The following ENPP3 variants were observed in gnomAD, a reference collection of about 807,000 sequenced individuals.
The protein encoded by ENPP3 is ectonucleotide pyrophosphatase/phosphodiesterase 3, also known as ectonucleotide pyrophosphatase/phosphodiesterase family member 3.
ENPP3 carries 104 observed loss-of-function variants against 117.8 expected under a neutral mutation model. The observed-to-expected ratio is 0.88, with a 90% CI of 0.75 to 1.04. The LOEUF (loss-of-function observed/expected upper bound fraction) is 1.04. ENPP3 is among the 50% of genes least tolerant of loss of function. ENPP3 has a pLI of 0.00. For missense variants in ENPP3, 1,026 were observed against 1,051.9 expected (o/e 0.98, Z 0.34); for synonymous variants, 380 against 349.9 (o/e 1.09, Z -0.96).
At chr6:131,733,553 G>A (rs1184908652) in intron 20 of ENPP3, 35 bp from the exon 21 acceptor site, 4 of 1,596,622 alleles carry the variant, frequency 2.5e-6, no homozygotes, top group African/African-American at 2.7e-5. Flanking sequence ...AGCCGCAATT[G>A]TGGGCGTAAT....
At chr6:131,729,945 A>G (rs761238985) in intron 20 of ENPP3, among the ~76,000 whole-genome samples, 13 of 152,144 alleles carry the variant, frequency 8.5e-5, no homozygotes, top group South Asian at 2.1e-4. Flanking sequence ...CTTTGAGAAC[A>G]TGGTAAATAT....
At chr6:131,649,353 C>T (rs1331753115) in intron 2 of ENPP3, among the ~76,000 whole-genome samples, 1 of 152,128 alleles carries the variant, frequency 6.6e-6, no homozygotes, top group Non-Finnish European at 1.5e-5. Flanking sequence ...CAACTTTCCT[C>T]GCTCTAGTCC....
At chr6:131,738,272 A>C in intron 23 of ENPP3, 109 bp downstream of exon 23, 1 of 863,570 alleles carries the variant, frequency 1.2e-6, no homozygotes, top group Non-Finnish European at 1.8e-6. Context: ...TCACAGACAA[A>C]TGTTATTGTT....
intron 15 of ENPP3, among the ~76,000 whole-genome samples, chr6:131,695,870 C>T (rs190166960): frequency 5.9e-5 from 9 of 152,044 alleles, no homozygotes; most frequent in South Asian, 2.1e-4. Context: ...GAGCCAAGAT[C>T]GCACCACTGC....
At chr6:131,689,520 C>A (rs1779231766) in intron 14 of ENPP3, among the ~76,000 whole-genome samples, 1 of 152,122 alleles carries the variant, frequency 6.6e-6, no homozygotes, top group Non-Finnish European at 1.5e-5. Flanking sequence ...ACTGTTGAGA[C>A]TTTCTGCTCA....
intron 23 of ENPP3, among the ~76,000 whole-genome samples, chr6:131,738,932 G>A (rs1400730835): frequency 1.3e-5 from 2 of 152,050 alleles, no homozygotes; most frequent in East Asian, 3.8e-4. Context: ...TTATTTCAGT[G>A]TTGAATGAAT....
intron 24 of ENPP3, 42 bp downstream of exon 24, chr6:131,740,422 T>G: frequency 7.1e-7 from 1 of 1,408,792 alleles, no homozygotes; most frequent in South Asian, 1.7e-5. Flanking sequence ...AGAAAATGAG[T>G]CAGAGCTCAT....
At chr6:131,725,196 A>T (rs2114539249) in intron 19 of ENPP3, among the ~76,000 whole-genome samples, 1 of 152,310 alleles carries the variant, frequency 6.6e-6, no homozygotes, top group East Asian at 1.9e-4. Flanking sequence ...ACTCCACTCC[A>T]GCTTGGGTGA....
rs921516548 is a variant in ENPP3 at position 131,720,297 on chromosome 6, C to A, written c.1485C>A (p.Ile495=). 1.3e-6 allele frequency: 2 copies of A among 1,582,946 alleles called. No homozygotes were observed. The highest frequency in any genetic ancestry group is 1.7e-6 in the Non-Finnish European group (2 of 1,159,424). Residue 495 remains isoleucine, a synonymous_variant, in exon 17 of 25, where the codon ATC becomes ATA. Coordinates refer to ENST00000357639, the MANE Select transcript of ENPP3 (RefSeq NM_005021.5). The part of the protein sequence containing the change: ...YNNEFRSMEA[I]FLAHGPSFKE... ...ATCTGACTATTATGACCTAGGCTAT[C>A]TTTCTGGCACATGGACCCAGTTTTA...
intron 6 of ENPP3, among the ~76,000 whole-genome samples, chr6:131,662,151 C>T (rs530730666): frequency 1.5e-3 from 230 of 152,238 alleles, no homozygotes; most frequent in Middle Eastern, 3.4e-3. Flanking sequence ...GTTGGAGCAA[C>T]TATTATTTCC....
chr6:131,653,816 G>A (rs1778316870), intron 5 of ENPP3, among the ~76,000 whole-genome samples: 1 of 152,126 alleles, frequency 6.6e-6, no homozygotes, highest in African/African-American at 2.4e-5. Context: ...CTTGAAGGGT[G>A]AATGAGGAGA....
chr6:131,671,339 AC>A lies in ENPP3; in HGVS notation c.642+15del. The A allele has an allele frequency of 6.5e-7, 1 of 1,541,790 alleles. No homozygotes were observed. The highest frequency in any genetic ancestry group is 2.2e-5 in the East Asian group (1 of 44,530). On this transcript the variant is annotated intron_variant, in intron 7 of 24. Coordinates refer to ENST00000357639, the MANE Select transcript of ENPP3 (RefSeq NM_005021.5). ...ACACCATTGTCACGGTAAGTGCTTGACCCAGTGGTAAGACAGGCCAAAGACC... is the reference window on the plus strand; with the variant it reads ...ACACCATTGTCACGGTAAGTGCTTGACCAGTGGTAAGACAGGCCAAAGACC...
intron 3 of ENPP3, among the ~76,000 whole-genome samples, chr6:131,651,668 G>T (rs901550067): frequency 1.3e-5 from 2 of 152,162 alleles, no homozygotes; most frequent in South Asian, 2.1e-4. Context: ...GTGGTGGTGG[G>T]GGGGTGTCCA....
chr6:131,665,867 C>T (rs569346411), intron 6 of ENPP3, among the ~76,000 whole-genome samples: 1 of 152,082 alleles, frequency 6.6e-6, no homozygotes, highest in Admixed American at 6.5e-5. Context: ...CTATAACTTC[C>T]ATCTTAGAGC....
intron 3 of ENPP3, among the ~76,000 whole-genome samples, chr6:131,651,672 G>T (rs150186719): frequency 4.6e-5 from 7 of 152,150 alleles, no homozygotes; most frequent in Non-Finnish European, 8.8e-5. Flanking sequence ...TGGTGGGGGG[G>T]TGTCCAGTGG....
Position 131,726,067 on chromosome 6 carries a change from A to G in ENPP3, c.1820A>G (p.Asn607Ser), listed in dbSNP as rs939533898. ...QEEITATVKVNLPFGRPRVLQ... is the reference protein window; with the variant it reads ...QEEITATVKVSLPFGRPRVLQ... ...TTAGTAACAGCAACAGTGAAAGTAA[A>G]TTTGCCATTTGGGAGGCCTAGGGTA... Residue 607 changes from asparagine to serine, a missense_variant, in exon 20 of 25, where the codon AAT (asparagine) becomes AGT (serine). Coordinates refer to ENST00000357639, the MANE Select transcript of ENPP3 (RefSeq NM_005021.5). 2 of 1,611,972 alleles carry G rather than the reference A, an allele frequency of 1.2e-6. No individual in the cohort carries two copies. The highest frequency in any genetic ancestry group is 1.3e-5 in the African/African-American group (1 of 74,846).
intron 1 of ENPP3, among the ~76,000 whole-genome samples, chr6:131,639,436 A>G (rs974052047): frequency 6.6e-5 from 10 of 151,762 alleles, no homozygotes; most frequent in African/African-American, 2.4e-4. Flanking sequence ...AAGCATGTTT[A>G]TTATATTTAT....
intron 2 of ENPP3, among the ~76,000 whole-genome samples, chr6:131,643,252 G>A (rs895689063): frequency 2.6e-5 from 4 of 152,128 alleles, no homozygotes; most frequent in African/African-American, 9.7e-5. Flanking sequence ...CATTTCAGTG[G>A]TATTGTTTTG....
chr6:131,674,112 C>G, intron 7 of ENPP3, 50 bp from the exon 8 acceptor site: 1 of 1,156,700 alleles, frequency 8.6e-7, no homozygotes, highest in Non-Finnish European at 1.3e-6. Context: ...ATTTAAATTT[C>G]TATTTTACTA....
Sources: allele counts gnomAD v4.1 joint callset (sites outside exome capture counted in the v4.1 genomes callset), GRCh38; gene constraint gnomAD v4.1.1; transcripts MANE v1.5; gene names NCBI Gene and HGNC (gene_info 2026-07-23, HGNC 2026-07-21).